Variants in RBFOX1 observed in about 807,000 individuals in gnomAD.
The protein encoded by RBFOX1 is RNA binding fox-1 homolog 1, also known as RNA binding protein fox-1 homolog 1.
In RBFOX1, 8 loss-of-function variants were observed where a neutral mutation model predicts 57.7. That is an observed-to-expected ratio of 0.14 (90% confidence interval 0.08 to 0.25). The LOEUF (loss-of-function observed/expected upper bound fraction) is 0.25, where lower values mean the gene tolerates loss of function less well. Ranked by LOEUF, RBFOX1 falls within the 10% of genes least tolerant of loss-of-function variation. The pLI is 1.00. For synonymous variants in RBFOX1, 326 were observed against 222.4 expected (o/e 1.47, Z -4.15); for missense variants, 611 against 548.5 (o/e 1.11, Z -1.14).
At chr16:6,602,678 C>CT (rs2097868030) in intron 2 of RBFOX1, among the ~76,000 whole-genome samples, 1 of 152,190 alleles carries the variant, frequency 6.6e-6, no homozygotes, top group South Asian at 2.1e-4. Flanking sequence ...ATGGACAGCT[C>CT]ATATGTTCAT....
At chr16:5,606,327 C>G (rs781101327) in intron 3 of RBFOX1, among the ~76,000 whole-genome samples, 2 of 152,082 alleles carry the variant, frequency 1.3e-5, no homozygotes, top group African/African-American at 4.8e-5. Context: ...ATTCTCCCCT[C>G]AGATCTGACC....
chr16:7,686,793 C>T (rs144914648), intron 14 of RBFOX1, among the ~76,000 whole-genome samples: 1 of 152,172 alleles, frequency 6.6e-6, no homozygotes, highest in African/African-American at 2.4e-5. Context: ...TTCTCTTTCA[C>T]CTGAGCCTAG....
At chr16:6,591,773 G>T (rs2153989494) in intron 2 of RBFOX1, among the ~76,000 whole-genome samples, 1 of 152,316 alleles carries the variant, frequency 6.6e-6, no homozygotes, top group East Asian at 1.9e-4. Flanking sequence ...ATTTGTAAAT[G>T]AAGAAGGAGA....
intron 3 of RBFOX1, among the ~76,000 whole-genome samples, chr16:6,685,494 G>A (rs72764910): frequency 0.089 from 12,150 of 136,224 alleles, 699 homozygotes; most frequent in Non-Finnish European, 0.13. Context: ...TGCCGTGTTC[G>A]CCAGGCTGCT....
intron 3 of RBFOX1, among the ~76,000 whole-genome samples, chr16:6,906,296 G>C (rs370883596): frequency 1.3e-5 from 2 of 151,730 alleles, no homozygotes; most frequent in Admixed American, 1.3e-4. Flanking sequence ...ATTTATGTCT[G>C]TTGGCTGGGG....
chr16:6,574,029 A>G (rs987714215), intron 2 of RBFOX1: 3 of 152,308 alleles, frequency 2.0e-5, no homozygotes, highest in Admixed American at 1.3e-4. Context: ...TGTCACCCAG[A>G]CAATTTTTCT....
chr16:6,251,843 C>A (rs909287864), intron 1 of RBFOX1, among the ~76,000 whole-genome samples: 4 of 152,126 alleles, frequency 2.6e-5, no homozygotes, highest in Non-Finnish European at 5.9e-5. Context: ...TACGTCCAGT[C>A]TGAGGATCGT....
chr16:6,569,566 G>C lies in RBFOX1; in HGVS notation c.-63-85037G>C, dbSNP rs75007293. Among the ~76,000 whole-genome samples the C allele has an allele frequency of 2.4e-3, 369 of 152,334 alleles. 2 individuals carry two copies. Among genetic ancestry groups the C allele is most frequent in the South Asian group, 6.6e-3 (32 of 4,826 alleles). On this transcript the variant is annotated intron_variant, in intron 2 of 15. Coordinates refer to ENST00000550418, the MANE Select transcript of RBFOX1 (RefSeq NM_018723.4). ...GTCTAAACAACTTCTGGCAAGCTATGAGCTGTAATTGGGTTAAATAGTTGC... is the reference window on the plus strand; with the variant it reads ...GTCTAAACAACTTCTGGCAAGCTATCAGCTGTAATTGGGTTAAATAGTTGC...
intron 4 of RBFOX1, among the ~76,000 whole-genome samples, chr16:7,167,861 C>G (rs1406040729): frequency 2.2e-4 from 4 of 18,188 alleles, no homozygotes; most frequent in African/African-American, 5.9e-4. Flanking sequence ...CTATCTGGCC[C>G]TCTGCGAAAA....
chr16:6,960,399 G>C (rs1159938201), intron 3 of RBFOX1, among the ~76,000 whole-genome samples: 2 of 152,088 alleles, frequency 1.3e-5, no homozygotes, highest in Non-Finnish European at 2.9e-5. Context: ...AGTTGGTCTG[G>C]TGATATTTCC....
chr16:7,185,973 G>C (rs1463789409), intron 4 of RBFOX1, among the ~76,000 whole-genome samples: 1 of 152,074 alleles, frequency 6.6e-6, no homozygotes, highest in Non-Finnish European at 1.5e-5. Context: ...TCAGCCATTA[G>C]TTCCTATGTT....
At chr16:5,352,654 T>C (rs2065288021) in intron 1 of RBFOX1, among the ~76,000 whole-genome samples, 1 of 152,210 alleles carries the variant, frequency 6.6e-6, no homozygotes, top group Non-Finnish European at 1.5e-5. Context: ...GATAATAAAA[T>C]ACTCTTCGGT....
intron 4 of RBFOX1, among the ~76,000 whole-genome samples, chr16:7,072,904 G>T (rs989434291): frequency 3.3e-5 from 5 of 152,214 alleles, no homozygotes; most frequent in African/African-American, 1.2e-4. Flanking sequence ...GCTGGAATTT[G>T]TGGAACCGGT....
At chr16:5,908,277 T>TAC (rs1567134112) in intron 4 of RBFOX1, among the ~76,000 whole-genome samples, 1 of 139,834 alleles carries the variant, frequency 7.2e-6, no homozygotes, top group African/African-American at 2.6e-5. Context: ...TATATATACA[T>TAC]ACATATATAT....
intron 4 of RBFOX1, among the ~76,000 whole-genome samples, chr16:5,873,360 A>T (rs148200408): frequency 6.6e-6 from 1 of 152,302 alleles, no homozygotes; most frequent in African/African-American, 2.4e-5. Context: ...CAAGGACAAG[A>T]TCCACTTGAA....
In RBFOX1 at chr16:7,430,229, T is replaced by G. The variant is rs2098665601; in HGVS notation, c.28-87918T>G. ...ACAGTAACTATTCCAGCCTCATGTCTTCACTCATAGCCATTCCCTATTTCG... is the reference window on the plus strand; with the variant it reads ...ACAGTAACTATTCCAGCCTCATGTCGTCACTCATAGCCATTCCCTATTTCG... On this transcript the variant is annotated intron_variant, in intron 4 of 15. Coordinates refer to ENST00000550418, the MANE Select transcript of RBFOX1 (RefSeq NM_018723.4). Among the ~76,000 whole-genome samples the G allele has an allele frequency of 1.3e-5, 2 of 152,384 alleles. 1 individual carries two copies. The highest frequency in any genetic ancestry group is 2.9e-5 in the Non-Finnish European group (2 of 68,044).
At chr16:6,421,228 G>A (rs542413654) in intron 2 of RBFOX1, among the ~76,000 whole-genome samples, 2 of 152,180 alleles carry the variant, frequency 1.3e-5, no homozygotes, top group Non-Finnish European at 2.9e-5. Context: ...TCCTTCGGGA[G>A]GGGACAGAGG....
intron 1 of RBFOX1, among the ~76,000 whole-genome samples, chr16:6,308,704 G>C (rs930300787): frequency 6.6e-6 from 1 of 152,210 alleles, no homozygotes; most frequent in African/African-American, 2.4e-5. Context: ...TGCAGAAATT[G>C]CATCCCTGAT....
chr16:6,892,786 CTCTCTCTCTCTCT>C (rs1567747865), intron 3 of RBFOX1, among the ~76,000 whole-genome samples: 820 of 72,814 alleles, frequency 0.011, 14 homozygotes, highest in African/African-American at 0.035. Flanking sequence ...CTCTCTCTCT[CTCTCTCTCTCTCT>C]CTCTCTCTCT....
Sources: allele counts gnomAD v4.1 joint callset (sites outside exome capture counted in the v4.1 genomes callset), GRCh38; gene constraint gnomAD v4.1.1; transcripts MANE v1.5; gene names NCBI Gene and HGNC (gene_info 2026-07-23, HGNC 2026-07-21).